The following LOC128125817 variants were observed in gnomAD, a reference collection of about 807,000 sequenced individuals.
At chr1:41,612,018 G>C in the LOC128125817 span, among the ~76,000 whole-genome samples, 5 of 151,916 alleles carry the variant, frequency 3.3e-5, no homozygotes, top group Non-Finnish European at 5.9e-5. Context: ...TCACCTTCCT[G>C]CCTGGCAGTC....
chr1:41,599,729 T>C, the LOC128125817 span, among the ~76,000 whole-genome samples: 1 of 152,064 alleles, frequency 6.6e-6, no homozygotes. Flanking sequence ...AATAGATAAA[T>C]TGCCTACATC....
At chr1:41,603,775 G>A in the LOC128125817 span, among the ~76,000 whole-genome samples, 11 of 152,338 alleles carry the variant, frequency 7.2e-5, no homozygotes, top group Admixed American at 6.5e-4. Flanking sequence ...ATCCATGTGT[G>A]CTTGAAAAGA....
At chr1:41,585,634 G>A in the LOC128125817 span, among the ~76,000 whole-genome samples, 4 of 152,316 alleles carry the variant, frequency 2.6e-5, no homozygotes, top group African/African-American at 9.6e-5. Flanking sequence ...GGTGGTTAGG[G>A]ACAGAGGCCT....
the LOC128125817 span, among the ~76,000 whole-genome samples, chr1:41,622,438 A>T: frequency 3.9e-5 from 6 of 152,286 alleles, no homozygotes; most frequent in Non-Finnish European, 8.8e-5. Context: ...CTGAACTGGG[A>T]ATGCTGAGCT....
the LOC128125817 span, among the ~76,000 whole-genome samples, chr1:41,622,220 A>T: frequency 1.3e-5 from 2 of 152,200 alleles, no homozygotes; most frequent in Admixed American, 1.3e-4. Context: ...GACAGATGGA[A>T]CTTGCATATA....
the LOC128125817 span, among the ~76,000 whole-genome samples, chr1:41,607,641 G>C: frequency 3.3e-5 from 5 of 149,514 alleles, no homozygotes; most frequent in Non-Finnish European, 3.0e-5. Flanking sequence ...CATTCTATTG[G>C]TTTGCTTCCA....
chr1:41,610,761 G>A, the LOC128125817 span, among the ~76,000 whole-genome samples: 8 of 152,122 alleles, frequency 5.3e-5, no homozygotes, highest in Admixed American at 1.3e-4. Flanking sequence ...TGAGGCATTC[G>A]CACTCTAGGT....
chr1:41,607,771 C>T, the LOC128125817 span, among the ~76,000 whole-genome samples: 1 of 152,190 alleles, frequency 6.6e-6, no homozygotes, highest in Non-Finnish European at 1.5e-5. Context: ...GCAGGAGTGG[C>T]TTAGACGAGA....
chr1:41,602,687 A>G, the LOC128125817 span, among the ~76,000 whole-genome samples: 1 of 151,766 alleles, frequency 6.6e-6, no homozygotes, highest in South Asian at 2.1e-4. Flanking sequence ...ACCAACTCTT[A>G]GTTTCATTGA....
At chr1:41,592,483 A>G in the LOC128125817 span, among the ~76,000 whole-genome samples, 1 of 152,246 alleles carries the variant, frequency 6.6e-6, no homozygotes, top group Non-Finnish European at 1.5e-5. Flanking sequence ...GCTGAGGAGA[A>G]TTCCACATGG....
At chr1:41,607,751 G>A in the LOC128125817 span, among the ~76,000 whole-genome samples, 2 of 152,216 alleles carry the variant, frequency 1.3e-5, no homozygotes, top group African/African-American at 4.8e-5. Flanking sequence ...CCTATAACAA[G>A]GACCTAACTG....
the LOC128125817 span, among the ~76,000 whole-genome samples, chr1:41,610,136 T>C: frequency 6.6e-6 from 1 of 152,338 alleles, no homozygotes; most frequent in South Asian, 2.1e-4. Context: ...CACAACTGCA[T>C]GAGCCAATTC....
chr1:41,605,823 G>A, the LOC128125817 span, among the ~76,000 whole-genome samples: 1 of 152,080 alleles, frequency 6.6e-6, no homozygotes, highest in Non-Finnish European at 1.5e-5. Context: ...ATAGTAGTGG[G>A]GGGTGGGGCT....
At chr1:41,619,272 G>A in the LOC128125817 span, among the ~76,000 whole-genome samples, 4 of 152,052 alleles carry the variant, frequency 2.6e-5, no homozygotes, top group African/African-American at 7.2e-5. Flanking sequence ...CTCTCCACCC[G>A]TCCTGACTGC....
At chr1:41,619,893 A>G in the LOC128125817 span, among the ~76,000 whole-genome samples, 3 of 152,168 alleles carry the variant, frequency 2.0e-5, no homozygotes, top group Admixed American at 2.0e-4. Flanking sequence ...GGCTGCAGTG[A>G]GCACCTAGGC....
the LOC128125817 span, among the ~76,000 whole-genome samples, chr1:41,600,271 G>A: frequency 5.9e-5 from 9 of 152,284 alleles, no homozygotes; most frequent in Non-Finnish European, 8.8e-5. Context: ...GTACATCTAT[G>A]TTCATAGCGG....
chr1:41,619,290 C>T, the LOC128125817 span, among the ~76,000 whole-genome samples: 1 of 152,240 alleles, frequency 6.6e-6, no homozygotes, highest in African/African-American at 2.4e-5. Flanking sequence ...TGCCTGATTT[C>T]AAAACCTTGA....
the LOC128125817 span, among the ~76,000 whole-genome samples, chr1:41,623,929 C>A: frequency 9.2e-5 from 14 of 152,188 alleles, no homozygotes; most frequent in Non-Finnish European, 1.3e-4. Context: ...TCCCCACCCC[C>A]ACTTCTCTGC....
At chr1:41,613,929 C>T in the LOC128125817 span, among the ~76,000 whole-genome samples, 2 of 152,348 alleles carry the variant, frequency 1.3e-5, no homozygotes, top group South Asian at 4.1e-4. Context: ...CCTTTTGTGT[C>T]TGGCTTCTTT....
Sources: allele counts gnomAD v4.1 joint callset (sites outside exome capture counted in the v4.1 genomes callset), GRCh38; gene constraint gnomAD v4.1.1; transcripts MANE v1.5.